PNPT1: variants seen among roughly 807,000 people sequenced by gnomAD.
The protein encoded by PNPT1 is polyribonucleotide nucleotidyltransferase 1.
Under a neutral mutation model 119.5 loss-of-function variants are expected in PNPT1, and 53 were observed. That is an observed-to-expected ratio of 0.44 (90% CI 0.36 to 0.56). The LOEUF (loss-of-function observed/expected upper bound fraction) is 0.56. Among genes scored for constraint, PNPT1 ranks in the 20% least tolerant of loss-of-function variants. PNPT1 has a pLI of 0.00. For synonymous variants in PNPT1, 357 were observed against 322.1 expected (o/e 1.11, Z -1.16); for missense variants, 948 against 938.5 (o/e 1.01, Z -0.13).
chr2:55,686,874 A>C (rs6705295), intron 2 of PNPT1, among the ~76,000 whole-genome samples: 23,450 of 152,086 alleles, frequency 0.15, 3,477 homozygotes, highest in African/African-American at 0.39. Context: ...TCACACTTGT[A>C]ATTGCAGCAC....
At chr2:55,670,944 A>G (rs980110753) in intron 11 of PNPT1, among the ~76,000 whole-genome samples, 3 of 148,562 alleles carry the variant, frequency 2.0e-5, no homozygotes, top group African/African-American at 7.5e-5. Context: ...TGAGAGTAAC[A>G]TTTATTTGAG....
chr2:55,653,815 C>T (rs758473541), intron 18 of PNPT1, among the ~76,000 whole-genome samples: 9 of 152,132 alleles, frequency 5.9e-5, no homozygotes, highest in Non-Finnish European at 8.8e-5. Flanking sequence ...TTGTTATTCA[C>T]GGCCCTCTTT....
At chr2:55,648,191 CTT>C (rs1238071357) in intron 18 of PNPT1, among the ~76,000 whole-genome samples, 1 of 152,198 alleles carries the variant, frequency 6.6e-6, no homozygotes, top group Non-Finnish European at 1.5e-5. Context: ...TAAATATAAT[CTT>C]TTGTTTTCTT....
At chr2:55,669,044 C>T (rs1410729238) in intron 11 of PNPT1, among the ~76,000 whole-genome samples, 1 of 152,152 alleles carries the variant, frequency 6.6e-6, no homozygotes, top group Non-Finnish European at 1.5e-5. Flanking sequence ...ATGAGCCAGG[C>T]ACTTTATTGG....
intron 13 of PNPT1, among the ~76,000 whole-genome samples, chr2:55,665,393 G>A (rs999219643): frequency 6.6e-6 from 1 of 152,208 alleles, no homozygotes; most frequent in African/African-American, 2.4e-5. Context: ...AAGTTTTCAG[G>A]TTTACTCTAA....
chr2:55,680,282 T>C (rs1386460062), intron 7 of PNPT1, among the ~76,000 whole-genome samples: 1 of 152,186 alleles, frequency 6.6e-6, no homozygotes, highest in Non-Finnish European at 1.5e-5. Flanking sequence ...CATTGTTGTA[T>C]TGCTAGGGCC....
chr2:55,676,564 A>G (rs1481026812), intron 8 of PNPT1, among the ~76,000 whole-genome samples: 1 of 143,332 alleles, frequency 7.0e-6, no homozygotes, highest in Non-Finnish European at 1.6e-5. Context: ...ATTATACTCT[A>G]AAGATCTGGA....
At chr2:55,656,652 C>A (rs1374492036) in intron 15 of PNPT1, among the ~76,000 whole-genome samples, 1 of 152,022 alleles carries the variant, frequency 6.6e-6, no homozygotes, top group Non-Finnish European at 1.5e-5. Context: ...AAATTATTAA[C>A]AATAACGTTA....
chr2:55,648,195 T>C (rs997455994), intron 18 of PNPT1, among the ~76,000 whole-genome samples: 4 of 152,244 alleles, frequency 2.6e-5, no homozygotes, highest in African/African-American at 9.6e-5. Flanking sequence ...TATAATCTTT[T>C]GTTTTCTTTA....
In PNPT1 at chr2:55,646,250, C is replaced by A; in HGVS notation, c.1738+9G>T. 6.2e-7 allele frequency: 1 copy of A among 1,607,764 alleles called. No homozygotes were observed. The highest frequency in any genetic ancestry group is 8.5e-7 in the Non-Finnish European group (1 of 1,175,244). ...AAGAATGAAGGGAGAATCAAGCACA[C>A]TAGCTCACCTGAAGCTTGTTGAATA... On this transcript the variant is annotated intron_variant, in intron 21 of 27. Coordinates refer to ENST00000447944, the MANE Select transcript of PNPT1 (RefSeq NM_033109.5).
At chr2:55,660,236 A>G in intron 14 of PNPT1, 43 bp from the exon 15 acceptor site, 1 of 1,520,462 alleles carries the variant, frequency 6.6e-7, no homozygotes, top group Non-Finnish European at 8.9e-7. Context: ...ATAGGGAAAA[A>G]ACATATTTAT....
In PNPT1 at chr2:55,663,678, G is replaced by A. The variant is rs147533040; in HGVS notation, c.1177-1652C>T. On this transcript the variant is annotated intron_variant, in intron 13 of 27. Transcript: ENST00000447944. ...GTCCTTTTCATCAGAAAAACATGGA[G>A]AACAAAAAACACTGAAACGGCTGGG... Among the ~76,000 whole-genome samples, 33 of 152,164 alleles carry A rather than the reference G, an allele frequency of 2.2e-4. No homozygotes were observed. In the East Asian group the frequency reaches 6.0e-3, roughly 28 times the overall value.
In PNPT1 at chr2:55,636,135, T is replaced by G; in HGVS notation, c.*102A>C. ...TACAAATAATTAAAATGTATTTATA[T>G]TATATAGAAATCTACACAATGGAAG... On this transcript the variant is annotated 3_prime_UTR_variant, in exon 28 of 28. Coordinates refer to ENST00000447944, the MANE Select transcript of PNPT1 (RefSeq NM_033109.5). The G allele has an allele frequency of 1.3e-6, 1 of 754,078 alleles. No individual in the cohort carries two copies. 46.7% of individuals were successfully genotyped at this position (754,078 alleles called of 1,614,324 possible).
chr2:55,687,888 A>C (rs1233667441), intron 1 of PNPT1, among the ~76,000 whole-genome samples, 183 bp from the exon 2 acceptor site: 1 of 152,166 alleles, frequency 6.6e-6, no homozygotes, highest in East Asian at 1.9e-4. Context: ...GAGTGGCTTA[A>C]AGAAGAATAC....
At chr2:55,644,563 T>G (rs1040533010) in intron 23 of PNPT1, 74 bp downstream of exon 23, 7 of 1,047,236 alleles carry the variant, frequency 6.7e-6, no homozygotes, top group African/African-American at 3.2e-5. Context: ...TAAAGCAACA[T>G]ACTAGAGATG....
intron 18 of PNPT1, among the ~76,000 whole-genome samples, chr2:55,650,896 G>A (rs1343026506): frequency 6.7e-6 from 1 of 148,658 alleles, no homozygotes; most frequent in South Asian, 2.1e-4. Context: ...GCAGGGAGGT[G>A]GGGGGGTCAG....
intron 17 of PNPT1, among the ~76,000 whole-genome samples, chr2:55,655,839 CCT>C (rs1217524782): frequency 2.6e-5 from 4 of 152,160 alleles, no homozygotes; most frequent in Non-Finnish European, 5.9e-5. Context: ...TTTGGCCCTT[CCT>C]CTCTCTGTTA....
At chr2:55,651,590 A>G (rs1165116806) in intron 18 of PNPT1, among the ~76,000 whole-genome samples, 2 of 151,838 alleles carry the variant, frequency 1.3e-5, no homozygotes, top group Non-Finnish European at 2.9e-5. Context: ...GCTCCTTAAG[A>G]GTCATCACCA....
chr2:55,645,508 G>A (rs1219427924), intron 21 of PNPT1, 76 bp from the exon 22 acceptor site: 24 of 945,636 alleles, frequency 2.5e-5, no homozygotes, highest in South Asian at 2.9e-5. Context: ...TAGTTTTCAC[G>A]GTATACAATC....
Sources: gnomAD v4.1 joint callset for allele counts (sites outside exome capture counted in the v4.1 genomes callset) on GRCh38, gnomAD v4.1.1 for gene constraint, MANE v1.5 for transcripts, NCBI Gene and HGNC (gene_info 2026-07-23, HGNC 2026-07-21) for gene names.